SDAD1: variants seen among roughly 807,000 people sequenced by gnomAD.
SDAD1 encodes the protein SDA1 domain containing 1.
In SDAD1, 79 loss-of-function variants were observed where a neutral mutation model predicts 100.3. The observed-to-expected ratio is 0.79, with a 90% CI of 0.66 to 0.95. The LOEUF (loss-of-function observed/expected upper bound fraction) is 0.95. SDAD1 is among the 40% of genes least tolerant of loss of function. SDAD1 has a pLI of 0.00. For missense variants in SDAD1, 790 were observed against 810.9 expected (o/e 0.97, Z 0.31); for synonymous variants, 267 against 271.4 (o/e 0.98, Z 0.16).
Position 75,989,910 on chromosome 4 carries a change from T to C in SDAD1, c.90+842A>G, listed in dbSNP as rs143058622. Among the ~76,000 whole-genome samples the C allele has an allele frequency of 2.6e-5, 4 of 152,306 alleles. No homozygotes were observed. In the East Asian group the frequency reaches 7.7e-4, roughly 29 times the overall value. ...GTGAGAAGGGCAATGAAAAAATAAG[T>C]AATTGTGTTAGCCACTGAACAAATC... On this transcript the variant is annotated intron_variant, in intron 1 of 21. Transcript: ENST00000356260.
At chr4:75,965,533 C>G (rs1027640271) in intron 13 of SDAD1, among the ~76,000 whole-genome samples, 2 of 152,140 alleles carry the variant, frequency 1.3e-5, no homozygotes, top group Non-Finnish European at 2.9e-5. Context: ...TGGTTTGGAG[C>G]TTGTGGGGCA....
At chr4:75,982,991 T>C (rs1730635525) in intron 1 of SDAD1, among the ~76,000 whole-genome samples, 1 of 151,630 alleles carries the variant, frequency 6.6e-6, no homozygotes, top group Non-Finnish European at 1.5e-5. Context: ...CCCCTTCCTG[T>C]ATCCATGTGT....
At chr4:75,980,792 G>A (rs1730456317) in intron 3 of SDAD1, 2 of 153,924 alleles carry the variant, frequency 1.3e-5, no homozygotes, top group Non-Finnish European at 2.9e-5. Flanking sequence ...CTAGGACTCC[G>A]ATTTAGCTGA....
chr4:75,964,775 T>C (rs1319931910), intron 13 of SDAD1, among the ~76,000 whole-genome samples: 2 of 152,246 alleles, frequency 1.3e-5, no homozygotes. Flanking sequence ...TAATTTCTTA[T>C]GCCTGTCTTT....
chr4:75,955,896 G>T, intron 21 of SDAD1, 79 bp downstream of exon 21: 1 of 1,471,456 alleles, frequency 6.8e-7, no homozygotes, highest in Non-Finnish European at 9.1e-7. Context: ...TCTTCAGAAG[G>T]CGCAAGTCCG....
At chr4:75,990,274 ACCCC>A (rs11294605) in intron 1 of SDAD1, among the ~76,000 whole-genome samples, 1 of 119,312 alleles carries the variant, frequency 8.4e-6, no homozygotes, top group Non-Finnish European at 1.8e-5. Context: ...TGCTTGAGAA[ACCCC>A]CCCCCCCCCT....
chr4:75,952,233 T>C (rs1285139193), intron 21 of SDAD1, among the ~76,000 whole-genome samples: 1 of 152,210 alleles, frequency 6.6e-6, no homozygotes, highest in Non-Finnish European at 1.5e-5. Flanking sequence ...GTATACTGAT[T>C]AAACAAGTTA....
chr4:75,956,037 T>C lies in SDAD1; in HGVS notation c.1954A>G (p.Met652Val). The change falls in exon 21 of 22, where the codon ATG becomes GTG. Residue 652 changes from methionine to valine, a missense_variant. Transcript: ENST00000356260. ...NKEKKKQKNF[M>V]MMRYSQNVRS... is the part of the protein sequence containing the mutation. Reference sequence around the variant, plus strand: ...ACATTCTGGCTATACCGCATCATCATAAAGTTCTTCTGTTTTTTCTTCTCT... The same window carrying C: ...ACATTCTGGCTATACCGCATCATCACAAAGTTCTTCTGTTTTTTCTTCTCT... The C allele has an allele frequency of 1.9e-6, 3 of 1,613,060 alleles. No homozygotes were observed. The highest frequency in any genetic ancestry group is 8.5e-7 in the Non-Finnish European group (1 of 1,179,794).
In SDAD1 at chr4:75,990,835, T is replaced by C. The variant is rs368724458; in HGVS notation, c.7A>G (p.Asn3Asp). The C allele has an allele frequency of 2.5e-6, 4 of 1,614,082 alleles. No homozygotes were observed. The South Asian group carries it at 3.3e-5, about 13-fold the overall frequency. The change falls in exon 1 of 22, where the codon AAC (asparagine) becomes GAC (aspartate). Residue 3 changes from asparagine to aspartate, a missense_variant. Transcript: ENST00000356260. ...CTGGGAAGCTTGTTGTTGTTTCTGT[T>C]GGACATTTTGGCTGCAGACAGACTT... MSNRNNNKLPSNL... is the reference protein window; with the variant it reads MSDRNNNKLPSNL...
chr4:75,955,848 T>TCCAACAATGCTCC, intron 21 of SDAD1, 127 bp downstream of exon 21: 2 of 1,118,020 alleles, frequency 1.8e-6, no homozygotes, highest in South Asian at 3.2e-5. Context: ...AACAATGCTC[T>TCCAACAATGCTCC]CCAACAATGC....
chr4:75,972,796 T>C (rs1176150517), intron 8 of SDAD1, among the ~76,000 whole-genome samples: 6 of 149,990 alleles, frequency 4.0e-5, no homozygotes, highest in South Asian at 2.1e-4. Flanking sequence ...CCGAGGCGGG[T>C]GGATCGTGAG....
chr4:75,976,953 CT>C (rs1014748380), intron 4 of SDAD1, among the ~76,000 whole-genome samples: 1 of 152,032 alleles, frequency 6.6e-6, no homozygotes, highest in Admixed American at 6.6e-5. Flanking sequence ...TTAAATTTTT[CT>C]TTCCTTTTTT....
chr4:75,967,379 T>C (rs781254780), intron 11 of SDAD1, 45 bp from the exon 12 acceptor site: 11 of 1,542,570 alleles, frequency 7.1e-6, no homozygotes, highest in East Asian at 2.3e-5. Flanking sequence ...GCTGACACTA[T>C]GGAGTTCCAT....
intron 21 of SDAD1, among the ~76,000 whole-genome samples, chr4:75,954,183 C>G (rs1428324752): frequency 6.6e-6 from 1 of 152,030 alleles, no homozygotes; most frequent in Non-Finnish European, 1.5e-5. Flanking sequence ...AGATCAAGAC[C>G]ATCCTGGCTA....
At chr4:75,990,080 G>A (rs776011844) in intron 1 of SDAD1, among the ~76,000 whole-genome samples, 8 of 152,102 alleles carry the variant, frequency 5.3e-5, no homozygotes, top group Non-Finnish European at 1.0e-4. Flanking sequence ...TCGGTACTTG[G>A]TTCAAACACC....
At chr4:75,990,299 A>G (rs1470313384) in intron 1 of SDAD1, among the ~76,000 whole-genome samples, 2 of 129,706 alleles carry the variant, frequency 1.5e-5, no homozygotes, top group African/African-American at 5.8e-5. Flanking sequence ...TTCCTGGCAC[A>G]GTCCAGGGTA....
chr4:75,984,778 AAC>A (rs35320227), intron 1 of SDAD1, among the ~76,000 whole-genome samples: 5,221 of 136,844 alleles, frequency 0.038, 128 homozygotes, highest in Admixed American at 0.072. Context: ...CACACACACA[AAC>A]ACACACACAC....
chr4:75,982,099 T>C, intron 1 of SDAD1, 62 bp from the exon 2 acceptor site: 1 of 945,014 alleles, frequency 1.1e-6, no homozygotes, highest in Non-Finnish European at 1.6e-6. Context: ...AGTACAGACA[T>C]TCAGTAGAGA....
At chr4:75,961,890 T>A (rs970995952) in intron 14 of SDAD1, among the ~76,000 whole-genome samples, 1 of 152,172 alleles carries the variant, frequency 6.6e-6, no homozygotes, top group African/African-American at 2.4e-5. Flanking sequence ...AGGAGAGACT[T>A]TTTTTTCACT....
Sources: allele counts gnomAD v4.1 joint callset (sites outside exome capture counted in the v4.1 genomes callset), GRCh38; gene constraint gnomAD v4.1.1; transcripts MANE v1.5; gene names NCBI Gene and HGNC (gene_info 2026-07-23, HGNC 2026-07-21).